The following HAS3 variants were observed in gnomAD, a reference collection of about 807,000 sequenced individuals.
The protein encoded by HAS3 is HA synthase 3.
Under a neutral mutation model 50.3 loss-of-function variants are expected in HAS3, and 27 were observed. The observed-to-expected ratio is 0.54, with a 90% CI of 0.40 to 0.74. The LOEUF (loss-of-function observed/expected upper bound fraction) is 0.74, where lower values mean the gene tolerates loss of function less well. Among genes scored for constraint, HAS3 ranks in the 30% least tolerant of loss-of-function variants. HAS3 has a pLI of 0.00. For missense variants in HAS3, 517 were observed against 742.8 expected (o/e 0.70, Z 3.53); for synonymous variants, 339 against 310.9 (o/e 1.09, Z -0.95).
chr16:69,112,100 C>T (rs566359604), intron 2 of HAS3, among the ~76,000 whole-genome samples: 6 of 152,362 alleles, frequency 3.9e-5, no homozygotes, highest in Admixed American at 2.6e-4. Flanking sequence ...CCAGGCAGCA[C>T]GAGAGCTCTT....
chr16:69,115,512 T>C lies in HAS3; in HGVS notation c.*246T>C, dbSNP rs559605401. ...CTGTGTTTTCAGACTGCCTGTCTGC[T>C]TGCATCTGCACATAGGCAGTAGCCT... is the stretch of plus-strand genomic sequence containing the variant. On this transcript the variant is annotated 3_prime_UTR_variant, in exon 4 of 4. Transcript: ENST00000569188. The C allele has an allele frequency of 4.1e-6, 5 of 1,231,478 alleles. No homozygotes were observed. Among genetic ancestry groups the C allele is most frequent in the Admixed American group, 7.8e-5 (2 of 25,712 alleles). The allele number at this position is 1,231,478 out of a possible 1,614,324, so 76.3% of individuals were successfully genotyped here.
chr16:69,112,465 G>A (rs1961038717), intron 2 of HAS3, among the ~76,000 whole-genome samples: 1 of 152,204 alleles, frequency 6.6e-6, no homozygotes, highest in African/African-American at 2.4e-5. Context: ...AAAGCTGGGT[G>A]GGGTTGTGGT....
At chr16:69,105,643 T>A (rs1434029417), upstream of HAS3, 3 of 152,272 alleles carry the variant, frequency 2.0e-5, no homozygotes, top group African/African-American at 7.2e-5. Context: ...CCAGCCTTTT[T>A]ACATTTGACA....
chr16:69,086,065 G>T, the HAS3 span, among the ~76,000 whole-genome samples: 3 of 151,298 alleles, frequency 2.0e-5, no homozygotes, highest in East Asian at 5.9e-4. Flanking sequence ...ATGAGGTCTC[G>T]CTATGTTGCC....
intron 2 of HAS3, among the ~76,000 whole-genome samples, chr16:69,112,244 G>C (rs1597097197): frequency 2.0e-5 from 3 of 152,250 alleles, no homozygotes; most frequent in African/African-American, 7.2e-5. Context: ...CAGCAGTGCT[G>C]GGAGTCTTGG....
chr16:69,085,733 A>G, the HAS3 span, among the ~76,000 whole-genome samples: 3 of 151,658 alleles, frequency 2.0e-5, no homozygotes, highest in Admixed American at 6.6e-5. Flanking sequence ...GCGCACCACC[A>G]TGCCTGGCTA....
the HAS3 span, among the ~76,000 whole-genome samples, chr16:69,099,222 C>T: frequency 6.6e-6 from 1 of 152,144 alleles, no homozygotes; most frequent in African/African-American, 2.4e-5. Context: ...CTACCCGCCT[C>T]GGCCTCCCAA....
At chr16:69,099,398 G>T in the HAS3 span, among the ~76,000 whole-genome samples, 1 of 151,910 alleles carries the variant, frequency 6.6e-6, no homozygotes, top group Non-Finnish European at 1.5e-5. Flanking sequence ...CGCAATCTCG[G>T]CTCACTGCAA....
the HAS3 span, among the ~76,000 whole-genome samples, chr16:69,099,618 G>A: frequency 6.6e-6 from 1 of 152,136 alleles, no homozygotes; most frequent in Non-Finnish European, 1.5e-5. Flanking sequence ...GAGCCACCGC[G>A]CCCAGCCTAA....
chr16:69,083,606 A>G, the HAS3 span: 2 of 1,588,488 alleles, frequency 1.3e-6, no homozygotes, highest in Non-Finnish European at 1.7e-6. Context: ...GACATCATGA[A>G]AAACTTCCTG....
chr16:69,113,611 C>A, intron 3 of HAS3, 69 bp downstream of exon 3: 1 of 927,372 alleles, frequency 1.1e-6, no homozygotes, highest in Non-Finnish European at 1.7e-6. Flanking sequence ...TTGGATATGC[C>A]TGGGAAATGG....
chr16:69,098,626 T>A, the HAS3 span, among the ~76,000 whole-genome samples: 2 of 151,864 alleles, frequency 1.3e-5, no homozygotes, highest in South Asian at 4.1e-4. Context: ...ACCACTTGAT[T>A]TTAATATCAA....
the HAS3 span, among the ~76,000 whole-genome samples, chr16:69,095,954 G>A: frequency 1.3e-5 from 2 of 152,092 alleles, no homozygotes; most frequent in Non-Finnish European, 2.9e-5. Flanking sequence ...GGTGGCTTAC[G>A]CCTGTAATCC....
the HAS3 span, among the ~76,000 whole-genome samples, chr16:69,085,588 CTTTCT>C: frequency 1.4e-5 from 2 of 147,566 alleles, no homozygotes; most frequent in South Asian, 2.2e-4. Context: ...TTTCTTCTTT[CTTTCT>C]TTTTTTTTTT....
the HAS3 span, chr16:69,083,758 G>A: frequency 7.3e-7 from 1 of 1,362,516 alleles, no homozygotes; most frequent in African/African-American, 1.5e-5. Flanking sequence ...CTTGAGTGCT[G>A]GCAGCATGGC....
the HAS3 span, among the ~76,000 whole-genome samples, chr16:69,096,534 C>CAA: frequency 9.5e-3 from 337 of 35,352 alleles, 31 homozygotes; most frequent in Non-Finnish European, 0.013. Context: ...GACTCTGTCT[C>CAA]AAAAAAAAAA....
chr16:69,099,388 C>T, the HAS3 span, among the ~76,000 whole-genome samples: 1 of 151,812 alleles, frequency 6.6e-6, no homozygotes, highest in Non-Finnish European at 1.5e-5. Context: ...AGTGCAGTGG[C>T]GCAATCTCGG....
Position 69,107,597 on chromosome 16 carries a change from C to T in HAS3, c.1-1799C>T. The T allele has an allele frequency of 1.0e-6, 1 of 985,442 alleles. No individual in the cohort carries two copies. Among genetic ancestry groups the T allele is most frequent in the Non-Finnish European group, 1.2e-6 (1 of 829,912 alleles). The allele number at this position is 985,442 out of a possible 1,614,324, so 61.0% of individuals were successfully genotyped here. ...CGCCGCCTCCGGCACTGCACCGAGG[C>T]GGGGCGCCAGCGCCCAGGTTGCTGG... On this transcript the variant is annotated intron_variant, in intron 1 of 3. Coordinates refer to ENST00000569188, the MANE Select transcript of HAS3 (RefSeq NM_001199280.2). This position sits in a 1 kb window ranked among gnomAD's most constrained non-coding sequence, Gnocchi z 5.5.
chr16:69,115,464 C>G lies in HAS3; in HGVS notation c.*198C>G, dbSNP rs1263829420. The G allele has an allele frequency of 7.8e-7, 1 of 1,283,140 alleles. No individual in the cohort carries two copies. The highest frequency in any genetic ancestry group is 1.5e-5 in the African/African-American group (1 of 66,186). 79.5% of individuals were successfully genotyped at this position (1,283,140 alleles called of 1,614,324 possible). A position where few individuals can be genotyped will look rare whatever the true frequency, so the allele number is the denominator to read the frequency against. On this transcript the variant is annotated 3_prime_UTR_variant, in exon 4 of 4. Coordinates refer to ENST00000569188, the MANE Select transcript of HAS3 (RefSeq NM_001199280.2). The stretch of plus-strand genomic sequence containing the variant: ...TTTAGAGGAGGCAACACTGATCCCC[C>G]AGATGCAGGGCTGCAGGGGATTCTG...
Sources: allele counts gnomAD v4.1 joint callset (sites outside exome capture counted in the v4.1 genomes callset), GRCh38; gene constraint gnomAD v4.1.1; non-coding constraint Gnocchi (gnomAD v3.1); transcripts MANE v1.5; gene names NCBI Gene and HGNC (gene_info 2026-07-23, HGNC 2026-07-21).